Variants in ADCY1 observed in about 807,000 individuals in gnomAD.
ADCY1 encodes adenylate cyclase 1.
Under a neutral mutation model 105.4 loss-of-function variants are expected in ADCY1, and 28 were observed. The observed-to-expected ratio is 0.27, with a 90% confidence interval of 0.20 to 0.36. ADCY1 has a LOEUF of 0.36. ADCY1 is among the 10% of genes least tolerant of loss of function. The pLI is 1.00. For missense variants in ADCY1, 977 were observed against 1,434.2 expected (o/e 0.68, Z 5.15); for synonymous variants, 655 against 623.8 (o/e 1.05, Z -0.75).
intron 6 of ADCY1, among the ~76,000 whole-genome samples, chr7:45,658,461 C>G (rs555145492): frequency 3.3e-5 from 5 of 152,192 alleles, no homozygotes; most frequent in Non-Finnish European, 7.3e-5. Flanking sequence ...ACCCCCAGGT[C>G]CTGTAATCTC....
intron 11 of ADCY1, among the ~76,000 whole-genome samples, chr7:45,681,066 G>A (rs1784545481): frequency 6.6e-6 from 1 of 152,262 alleles, no homozygotes; most frequent in South Asian, 2.1e-4. Flanking sequence ...TGAGGAAAGT[G>A]GGCTCAGGCA....
chr7:45,704,880 C>T (rs760656760), intron 17 of ADCY1, among the ~76,000 whole-genome samples: 5 of 152,060 alleles, frequency 3.3e-5, no homozygotes, highest in Non-Finnish European at 5.9e-5. Context: ...CACCCTGCCC[C>T]TGCTCCATTA....
chr7:45,608,552 G>A (rs1257538562), intron 2 of ADCY1, among the ~76,000 whole-genome samples: 2 of 152,194 alleles, frequency 1.3e-5, no homozygotes, highest in East Asian at 1.9e-4. Context: ...CCTGTGCCAC[G>A]GCTGAGTTGT....
chr7:45,615,043 C>T (rs192070887), intron 3 of ADCY1, among the ~76,000 whole-genome samples: 29 of 152,214 alleles, frequency 1.9e-4, no homozygotes, highest in East Asian at 5.8e-4. Flanking sequence ...AGACATATAG[C>T]GGACATTACA....
At chr7:45,590,786 C>T (rs898241631) in intron 1 of ADCY1, among the ~76,000 whole-genome samples, 3 of 152,206 alleles carry the variant, frequency 2.0e-5, no homozygotes, top group Non-Finnish European at 2.9e-5. Flanking sequence ...TCTGACCCCT[C>T]ACAGGTGACA....
chr7:45,706,154 A>G (rs547918536), intron 17 of ADCY1, among the ~76,000 whole-genome samples: 5 of 152,288 alleles, frequency 3.3e-5, no homozygotes, highest in South Asian at 4.1e-4. Flanking sequence ...CACAAGTCCA[A>G]TCGGAACTCC....
intron 14 of ADCY1, among the ~76,000 whole-genome samples, chr7:45,692,394 G>C (rs1784801177): frequency 6.6e-6 from 1 of 152,156 alleles, no homozygotes; most frequent in Non-Finnish European, 1.5e-5. Context: ...GGCTGTTAAA[G>C]GAATCAAACA....
upstream of ADCY1, chr7:45,574,254 G>C (rs1178800691): frequency 1.6e-5 from 10 of 615,088 alleles, no homozygotes; most frequent in Non-Finnish European, 2.0e-5. This position sits in a 1 kb window ranked among gnomAD's most constrained non-coding sequence, Gnocchi z 7.0. Flanking sequence ...GGCGCGGGCT[G>C]TGCGCGCCCA....
chr7:45,702,058 C>A (rs1269962632), intron 14 of ADCY1, among the ~76,000 whole-genome samples: 8 of 152,354 alleles, frequency 5.3e-5, no homozygotes, highest in East Asian at 1.9e-4. Flanking sequence ...TTCACACACA[C>A]CCCCATCCTC....
intron 1 of ADCY1, among the ~76,000 whole-genome samples, chr7:45,583,937 GTTTTTTTTT>G (rs869216986): frequency 8.4e-4 from 48 of 56,902 alleles, no homozygotes; most frequent in African/African-American, 2.1e-3. Flanking sequence ...ACTGTGCCCT[GTTTTTTTTT>G]TTTTTTTTTT....
rs1023922077 is a variant in ADCY1, at chr7:45,627,046, G to A, written c.1020+4303G>A. On this transcript the variant is annotated intron_variant, in intron 4 of 19. Transcript: ENST00000297323. ...CCTCAAAATCAGGGTAGAACTTTAAGAGCCTTAGTTGAAAGTCTTGAGTTT... is the reference window on the plus strand; with the variant it reads ...CCTCAAAATCAGGGTAGAACTTTAAAAGCCTTAGTTGAAAGTCTTGAGTTT... Among the ~76,000 whole-genome samples, 8 of 152,342 alleles carry A rather than the reference G, an allele frequency of 5.3e-5. No homozygotes were observed. The East Asian group carries it at 7.7e-4, about 15-fold the overall frequency.
intron 14 of ADCY1, among the ~76,000 whole-genome samples, chr7:45,691,001 T>C (rs993128653): frequency 6.6e-6 from 1 of 152,212 alleles, no homozygotes; most frequent in African/African-American, 2.4e-5. Flanking sequence ...CCTGGTTGGT[T>C]CCTCATTCTC....
At chr7:45,609,047 A>G (rs148101837) in intron 2 of ADCY1, among the ~76,000 whole-genome samples, 53 of 152,356 alleles carry the variant, frequency 3.5e-4, no homozygotes, top group African/African-American at 1.2e-3. Flanking sequence ...AAGTGTGCCA[A>G]ATTTGTTCTC....
intron 5 of ADCY1, among the ~76,000 whole-genome samples, chr7:45,651,595 A>T (rs1794813665): frequency 6.6e-6 from 1 of 152,110 alleles, no homozygotes; most frequent in South Asian, 2.1e-4. Flanking sequence ...TGGCCCACTG[A>T]TTCTGTTTGC....
chr7:45,661,998 C>T lies in ADCY1; in HGVS notation c.1450-61C>T, dbSNP rs527733981. On this transcript the variant is annotated intron_variant, in intron 7 of 19. Transcript: ENST00000297323. ...TGTTTGTCAGGATGGCATTCCCAGT[C>T]CGAGAGGCACAATGTGTCTCATTCA... The T allele has an allele frequency of 1.3e-5, 21 of 1,559,596 alleles. No homozygotes were observed. In the South Asian group the frequency reaches 2.3e-4, roughly 17 times the overall value.
intron 4 of ADCY1, among the ~76,000 whole-genome samples, chr7:45,626,293 C>A (rs1794060517): frequency 6.6e-6 from 1 of 152,192 alleles, no homozygotes; most frequent in African/African-American, 2.4e-5. Context: ...CCGTGACACC[C>A]AAACAGTGTT....
intron 4 of ADCY1, among the ~76,000 whole-genome samples, chr7:45,641,866 C>T (rs921615160): frequency 2.4e-5 from 3 of 123,212 alleles, no homozygotes; most frequent in Non-Finnish European, 3.2e-5. Flanking sequence ...GCGGAGCTTG[C>T]AGTGAGCCGA....
At chr7:45,655,799 G>A (rs538087557) in intron 5 of ADCY1, among the ~76,000 whole-genome samples, 11 of 152,142 alleles carry the variant, frequency 7.2e-5, no homozygotes, top group South Asian at 6.2e-4. Flanking sequence ...AGAAGTCTCC[G>A]TGCCATTTAC....
At chr7:45,635,930 A>G (rs1362313716) in intron 4 of ADCY1, among the ~76,000 whole-genome samples, 1 of 152,104 alleles carries the variant, frequency 6.6e-6, no homozygotes, top group Non-Finnish European at 1.5e-5. Flanking sequence ...AGAGAGGGGT[A>G]TTAAAATCTC....
Sources: gnomAD v4.1 joint callset for allele counts (sites outside exome capture counted in the v4.1 genomes callset) on GRCh38, gnomAD v4.1.1 for gene constraint, Gnocchi (gnomAD v3.1) non-coding constraint, MANE v1.5 for transcripts, NCBI Gene and HGNC (gene_info 2026-07-23, HGNC 2026-07-21) for gene names.